Variants in ABCC9 observed in about 807,000 individuals in gnomAD.
ABCC9 encodes ATP binding cassette subfamily C member 9.
Under a neutral mutation model 188.3 loss-of-function variants are expected in ABCC9, and 95 were observed. That is an observed-to-expected ratio of 0.50 (90% CI 0.43 to 0.60). The LOEUF is 0.60. Ranked by LOEUF, ABCC9 falls within the 20% of genes least tolerant of loss-of-function variation. The pLI, the probability that ABCC9 is intolerant of heterozygous loss-of-function variation, is 0.00. For synonymous variants in ABCC9, 659 were observed against 652.7 expected (o/e 1.01, Z -0.15); for missense variants, 1,102 against 1,876.3 (o/e 0.59, Z 7.62).
At chr12:21,922,432 T>A (rs1948861601) in intron 5 of ABCC9, among the ~76,000 whole-genome samples, 2 of 152,014 alleles carry the variant, frequency 1.3e-5, no homozygotes, top group Non-Finnish European at 2.9e-5. Context: ...TGAATTTGAT[T>A]TGCTGGTATT....
intron 30 of ABCC9, among the ~76,000 whole-genome samples, chr12:21,837,590 T>A (rs1183100960): frequency 6.6e-6 from 1 of 152,180 alleles, no homozygotes; most frequent in Non-Finnish European, 1.5e-5. Flanking sequence ...TTTACAAACC[T>A]TGAAGAAAAA....
chr12:21,827,296 A>G (rs1943436382), intron 31 of ABCC9: 1 of 985,340 alleles, frequency 1.0e-6, no homozygotes, highest in Non-Finnish European at 1.2e-6. Context: ...TTATCCATTA[A>G]TCTGACAGCA....
chr12:21,834,702 T>TCA (rs539055691), intron 30 of ABCC9, among the ~76,000 whole-genome samples: 356 of 151,760 alleles, frequency 2.3e-3, no homozygotes, highest in Non-Finnish European at 4.3e-3. Flanking sequence ...TCTGTTCCTT[T>TCA]CATATATATA....
chr12:21,851,501 G>T (rs111510890), intron 24 of ABCC9, among the ~76,000 whole-genome samples: 1 of 152,072 alleles, frequency 6.6e-6, no homozygotes, highest in Non-Finnish European at 1.5e-5. Flanking sequence ...TTGCTTATTT[G>T]TCAGGAGTTT....
chr12:21,863,121 T>G, intron 19 of ABCC9, 67 bp from the exon 20 acceptor site: 1 of 1,013,572 alleles, frequency 9.9e-7, no homozygotes, highest in Non-Finnish European at 1.5e-6. Flanking sequence ...GTATGTATTT[T>G]ACTATAAATA....
At chr12:21,835,468 T>C (rs1185117000) in intron 30 of ABCC9, among the ~76,000 whole-genome samples, 1 of 152,114 alleles carries the variant, frequency 6.6e-6, no homozygotes, top group Non-Finnish European at 1.5e-5. Flanking sequence ...CAGAGAAGGC[T>C]TACCACAGTA....
intron 31 of ABCC9, chr12:21,828,653 T>G: frequency 2.6e-6 from 1 of 381,084 alleles, no homozygotes; most frequent in Middle Eastern, 8.9e-4. Context: ...ACTTGCCAAA[T>G]GTGCTCTTTT....
chr12:21,826,617 G>A (rs1309698420), intron 31 of ABCC9, among the ~76,000 whole-genome samples: 1 of 152,156 alleles, frequency 6.6e-6, no homozygotes, highest in Non-Finnish European at 1.5e-5. Flanking sequence ...AGAGCAGAGC[G>A]ACAGTGAATC....
At chr12:21,805,860 TTC>T in intron 39 of ABCC9, 136 bp downstream of exon 39, 1 of 846,124 alleles carries the variant, frequency 1.2e-6, no homozygotes, top group Non-Finnish European at 1.9e-6. Context: ...CGTATTTTTT[TTC>T]TTTTTTGCAC....
intron 31 of ABCC9, among the ~76,000 whole-genome samples, chr12:21,822,222 C>A (rs939398238): frequency 3.3e-5 from 5 of 151,408 alleles, no homozygotes; most frequent in Non-Finnish European, 7.4e-5. Context: ...TTTAAACTTT[C>A]TTTTTAAAGA....
chr12:21,919,983 GAA>G (rs1948741871), intron 5 of ABCC9, among the ~76,000 whole-genome samples: 1 of 151,868 alleles, frequency 6.6e-6, no homozygotes, highest in Non-Finnish European at 1.5e-5. Context: ...CATACTAACA[GAA>G]ATACAATTTT....
In ABCC9 at chr12:21,817,259, C is replaced by T. The variant is rs2137187633; in HGVS notation, c.3820G>A (p.Val1274Ile). 2 of 1,613,788 alleles carry T rather than the reference C, an allele frequency of 1.2e-6. No homozygotes were observed. Among genetic ancestry groups the T allele is most frequent in the South Asian group, 1.1e-5 (1 of 91,074 alleles). ...WVVRNLADLE[V>I]QMGAVKKVNS... is the part of the protein sequence containing the mutation. Reference sequence around the variant, plus strand: ...ACCTTCTTCACTGCACCCATCTGGACCTCCAGGTCAGCCAAGTTCCTCACA... The same window carrying T: ...ACCTTCTTCACTGCACCCATCTGGATCTCCAGGTCAGCCAAGTTCCTCACA... Residue 1274 changes from valine (V) to isoleucine (I), a missense_variant, in exon 33 of 40, where the codon GTC becomes ATC. By Grantham distance (29) the Val-to-Ile change is conservative. Around this residue, in one of 12 missense-constraint regions of ABCC9, gnomAD observed 143 missense variants for 225.6 expected, o/e 0.63. Transcript: ENST00000261200.
chr12:21,851,245 C>T (rs1373882196), intron 24 of ABCC9, among the ~76,000 whole-genome samples: 1 of 152,146 alleles, frequency 6.6e-6, no homozygotes, highest in African/African-American at 2.4e-5. Context: ...ATTTAATTTA[C>T]AATTTCACTT....
chr12:21,901,077 A>G lies in ABCC9; in HGVS notation c.1618+5049T>C, dbSNP rs374913690. Among the ~76,000 whole-genome samples, 251 of 145,474 alleles carry G rather than the reference A, an allele frequency of 1.7e-3. 2 individuals carry two copies. The South Asian group carries it at 0.035, about 20-fold the overall frequency. On this transcript the variant is annotated intron_variant, in intron 12 of 39. Coordinates refer to ENST00000261200, the MANE Select transcript of ABCC9 (RefSeq NM_020297.4). ...GAGAAAGGTCGGGTTACCCACAAAG[A>G]GAAGCCCATCAGACTAACAGGGGAT...
chr12:21,817,247 C>A lies in ABCC9; in HGVS notation c.3832G>T (p.Ala1278Ser). Reference sequence around the variant, plus strand: ...AGGAAACTGTTCACCTTCTTCACTGCACCCATCTGGACCTCCAGGTCAGCC... The same window carrying A: ...AGGAAACTGTTCACCTTCTTCACTGAACCCATCTGGACCTCCAGGTCAGCC... Reference protein sequence around the residue: ...NLADLEVQMGAVKKVNSFLTM... With the variant: ...NLADLEVQMGSVKKVNSFLTM... Residue 1278 changes from alanine (A) to serine (S), a missense_variant, in exon 33 of 40, where the codon GCA becomes TCA. Transcript: ENST00000261200. 1 of 1,613,726 alleles carries A rather than the reference C, an allele frequency of 6.2e-7. No individual in the cohort carries two copies. The highest frequency in any genetic ancestry group is 8.5e-7 in the Non-Finnish European group (1 of 1,179,722).
At chr12:21,818,000 T>TTC in intron 32 of ABCC9, 150 bp downstream of exon 32, 1 of 672,004 alleles carries the variant, frequency 1.5e-6, no homozygotes, top group Non-Finnish European at 2.7e-6. Flanking sequence ...CCCTCTAAGT[T>TTC]CCCTCCCCTC....
At chr12:21,908,014 T>C (rs1226081975) in intron 11 of ABCC9, 63 bp downstream of exon 11, 17 of 1,518,730 alleles carry the variant, frequency 1.1e-5, no homozygotes, top group Non-Finnish European at 1.4e-5. Context: ...TAATTTCCTA[T>C]ATTATAAAAT....
intron 22 of ABCC9, among the ~76,000 whole-genome samples, chr12:21,855,882 A>G (rs925264067): frequency 6.6e-6 from 1 of 152,110 alleles, no homozygotes; most frequent in Non-Finnish European, 1.5e-5. Flanking sequence ...GAGTGTGGTG[A>G]CTAAGAACAC....
rs897352129 is a variant in ABCC9, at chr12:21,864,629, G to A, written c.2199-152C>T. 8 of 641,348 alleles carry A rather than the reference G, an allele frequency of 1.2e-5. No individual in the cohort carries two copies. The African/African-American group carries it at 1.3e-4, about 10-fold the overall frequency. The allele number at this position is 641,348 out of a possible 1,614,324, so 39.7% of individuals were successfully genotyped here. A position where few individuals can be genotyped will look rare whatever the true frequency, so the allele number is the denominator to read the frequency against. ...TGATATTAATTTCAAAGACAAACCA[G>A]ATAAGTAGTATTCTTCTTTATGTCT... On this transcript the variant is annotated intron_variant, in intron 18 of 39. Transcript: ENST00000261200.
Sources: gnomAD v4.1 joint callset for allele counts (sites outside exome capture counted in the v4.1 genomes callset) on GRCh38, gnomAD v4.1.1 for gene constraint, gnomAD v4.1.1 regional missense constraint, MANE v1.5 for transcripts, NCBI Gene and HGNC (gene_info 2026-07-23, HGNC 2026-07-21) for gene names.